Variants in OR4D1 observed in about 807,000 individuals in gnomAD.
The protein encoded by OR4D1 is olfactory receptor family 4 subfamily D member 1, also known as olfactory receptor 4D1.
OR4D1 carries 10 observed loss-of-function variants against 14.2 expected under a neutral mutation model. The observed-to-expected ratio is 0.71, with a 90% CI of 0.44 to 1.20. The LOEUF is 1.20. Among genes scored for constraint, OR4D1 ranks in the 50% most tolerant of loss-of-function variants. The pLI is 0.00. For missense variants in OR4D1, 345 were observed against 376.6 expected (o/e 0.92, Z 0.70); for synonymous variants, 141 against 147.4 (o/e 0.96, Z 0.32).
chr17:58,157,723 G>C lies in OR4D1; in HGVS notation c.*1637G>C. 1 of 1,613,656 alleles carries C rather than the reference G, an allele frequency of 6.2e-7. No individual in the cohort carries two copies. On this transcript the variant is annotated 3_prime_UTR_variant, in exon 4 of 4. Transcript: ENST00000268912. ...CGTCCATATACGCAGCATCCTACCCGTTCCATAGACCTGTGCTTCCCATCC... is the reference window on the plus strand; with the variant it reads ...CGTCCATATACGCAGCATCCTACCCCTTCCATAGACCTGTGCTTCCCATCC...
chr17:58,155,459 C>T lies in OR4D1; in HGVS notation c.306C>T (p.Phe102=). 1.2e-6 allele frequency: 2 copies of T among 1,614,226 alleles called. No individual in the cohort carries two copies. The highest frequency in any genetic ancestry group is 1.7e-6 in the Non-Finnish European group (2 of 1,180,044). The change falls in exon 4 of 4, where the codon TTC becomes TTT. Residue 102 remains phenylalanine, a synonymous_variant. Coordinates refer to ENST00000268912, the MANE Select transcript of OR4D1 (RefSeq NM_001386095.1). The part of the protein sequence containing the change: ...ISYQGCMAQI[F]FFHLLGGGTV... ...ACCAGGGCTGCATGGCCCAGATCTT[C>T]TTCTTCCACCTTTTGGGAGGTGGGA...
chr17:58,153,282 T>C (rs1967724398), intron 2 of OR4D1, among the ~76,000 whole-genome samples: 1 of 152,264 alleles, frequency 6.6e-6, no homozygotes, highest in South Asian at 2.1e-4. Flanking sequence ...AAGCCCATTC[T>C]AACCCTGTTT....
chr17:58,157,857 T>C lies in OR4D1; in HGVS notation c.*1771T>C. ...TGGATGTTTGTTTCAAAGGGTTTCC[T>C]CTCCCTCTCCAAGAAGGCAGGACCA... On this transcript the variant is annotated 3_prime_UTR_variant, in exon 4 of 4. Transcript: ENST00000268912. 6.5e-7 allele frequency: 1 copy of C among 1,528,896 alleles called. No individual in the cohort carries two copies. Among genetic ancestry groups the C allele is most frequent in the Non-Finnish European group, 9.0e-7 (1 of 1,115,738 alleles). The allele number at this position is 1,528,896 out of a possible 1,614,324, so 94.7% of individuals were successfully genotyped here. A position where few individuals can be genotyped will look rare whatever the true frequency, so the allele number is the denominator to read the frequency against.
rs1307165074 is a variant in OR4D1, at chr17:58,159,356, T to G, written c.*3270T>G. The G allele has an allele frequency of 6.6e-6, 1 of 152,202 alleles. No individual in the cohort carries two copies. The highest frequency in any genetic ancestry group is 1.5e-5 in the Non-Finnish European group (1 of 68,036). The allele number at this position is 152,202 out of a possible 1,614,324, so 9.4% of individuals were successfully genotyped here. A position where few individuals can be genotyped will look rare whatever the true frequency, so the allele number is the denominator to read the frequency against. ...GCCATGAGGATTCCTCCCTTATTAA[T>G]GGGATTAAGGCCTTTATAAAAGAGA... On this transcript the variant is annotated 3_prime_UTR_variant, in exon 4 of 4. Coordinates refer to ENST00000268912, the MANE Select transcript of OR4D1 (RefSeq NM_001386095.1).
chr17:58,157,668 C>A lies in OR4D1; in HGVS notation c.*1582C>A. ...ATGCTACCCTCCAGCTTCAGTCTCC[C>A]TTTCCCCATCAGCTCGCCCCTGCAG... is the stretch of plus-strand genomic sequence containing the variant. On this transcript the variant is annotated 3_prime_UTR_variant, in exon 4 of 4. Transcript: ENST00000268912. 1 of 1,613,944 alleles carries A rather than the reference C, an allele frequency of 6.2e-7. No homozygotes were observed. Among genetic ancestry groups the A allele is most frequent in the South Asian group, 1.1e-5 (1 of 91,070 alleles).
rs1346544023 is a variant in OR4D1, at chr17:58,157,075, CGGGGCCT to C, written c.*994_*1000del. The C allele has an allele frequency of 6.9e-7, 1 of 1,445,024 alleles. No individual in the cohort carries two copies. Among genetic ancestry groups the C allele is most frequent in the African/African-American group, 1.4e-5 (1 of 70,796 alleles). 89.5% of individuals were successfully genotyped at this position (1,445,024 alleles called of 1,614,324 possible). On this transcript the variant is annotated 3_prime_UTR_variant, in exon 4 of 4. Transcript: ENST00000268912. ...CCAGCGGTGGCGGTCGGGCCAGGTCCGGGGCCTGGGGACGCCGAGGCGGCCGCGGAGG... is the reference window on the plus strand; with the variant it reads ...CCAGCGGTGGCGGTCGGGCCAGGTCCGGGGACGCCGAGGCGGCCGCGGAGG...
chr17:58,157,268 C>G lies in OR4D1; in HGVS notation c.*1182C>G. On this transcript the variant is annotated 3_prime_UTR_variant, in exon 4 of 4. Transcript: ENST00000268912. ...CGGGGCACGGCGCTCGGGAAGCGCA[C>G]AGCCCCGGGCCGCTGATCAAGCCCT... 1 of 1,476,918 alleles carries G rather than the reference C, an allele frequency of 6.8e-7. No individual in the cohort carries two copies. The highest frequency in any genetic ancestry group is 1.4e-5 in the African/African-American group (1 of 70,528). The allele number at this position is 1,476,918 out of a possible 1,614,324, so 91.5% of individuals were successfully genotyped here. A position where few individuals can be genotyped will look rare whatever the true frequency, so the allele number is the denominator to read the frequency against.
chr17:58,154,056 A>G (rs529516548), intron 3 of OR4D1, among the ~76,000 whole-genome samples, 93 bp downstream of exon 3: 2 of 152,296 alleles, frequency 1.3e-5, no homozygotes, highest in South Asian at 4.1e-4. Flanking sequence ...CCTGGCCTCA[A>G]GTGATCCTCC....
rs1597953490 is a variant in OR4D1 at position 58,158,298 on chromosome 17, A to T, written c.*2212A>T. 1 of 152,210 alleles carries T rather than the reference A, an allele frequency of 6.6e-6. No individual in the cohort carries two copies. Among genetic ancestry groups the T allele is most frequent in the African/African-American group, 2.4e-5 (1 of 41,434 alleles). The allele number at this position is 152,210 out of a possible 1,614,324, so 9.4% of individuals were successfully genotyped here. A position where few individuals can be genotyped will look rare whatever the true frequency, so the allele number is the denominator to read the frequency against. ...ATTGACTTCTGCTTATGGAAAACAA[A>T]TATTAGAATTGGACATAATGCACAT... On this transcript the variant is annotated 3_prime_UTR_variant, in exon 4 of 4. Transcript: ENST00000268912.
chr17:58,155,975 C>A lies in OR4D1; in HGVS notation c.822C>A (p.Ser274Arg). The change falls in exon 4 of 4, where the codon AGC becomes AGA. Residue 274 changes from serine to arginine, a missense_variant. Physicochemically the swap from Ser to Arg is moderately radical, Grantham distance 110. Transcript: ENST00000268912. ...TCATGGACAAGGCTGTGTCCATCAG[C>A]TACACAGTCATGACCCCCATGCTCA... ...PFLMDKAVSI[S>R]YTVMTPMLNP... 3 of 1,613,782 alleles carry A rather than the reference C, an allele frequency of 1.9e-6. No homozygotes were observed. Among genetic ancestry groups the A allele is most frequent in the Non-Finnish European group, 2.5e-6 (3 of 1,179,688 alleles).
chr17:58,149,531 C>CT lies in OR4D1; in HGVS notation c.-391dup, dbSNP rs1221090543. ...AGAAAGGGTCTGTGTGTACCACGTA[C>CT]TGTGTAATACTTAACATATTGGATT... On this transcript the variant is annotated 5_prime_UTR_variant, in exon 2 of 4. It removes the in-frame stop codon of an upstream open reading frame in the 5' UTR. Transcript: ENST00000268912. 1 of 150,024 alleles carries CT rather than the reference C, an allele frequency of 6.7e-6. No homozygotes were observed. The highest frequency in any genetic ancestry group is 1.5e-5 in the Non-Finnish European group (1 of 68,046). 9.3% of individuals were successfully genotyped at this position (150,024 alleles called of 1,614,324 possible). A position where few individuals can be genotyped will look rare whatever the true frequency, so the allele number is the denominator to read the frequency against.
rs992642468 is a variant in OR4D1 at position 58,157,325 on chromosome 17, C to T, written c.*1239C>T. On this transcript the variant is annotated 3_prime_UTR_variant, in exon 4 of 4. Transcript: ENST00000268912. ...CCGCCTCGGTCAAGTGGGAAAACTC[C>T]CTAAGACGGAGCGGCGTGGATGCAG... 6.7e-7 allele frequency: 1 copy of T among 1,493,960 alleles called. No individual in the cohort carries two copies. Among genetic ancestry groups the T allele is most frequent in the African/African-American group, 1.4e-5 (1 of 71,738 alleles). 92.5% of individuals were successfully genotyped at this position (1,493,960 alleles called of 1,614,324 possible). A position where few individuals can be genotyped will look rare whatever the true frequency, so the allele number is the denominator to read the frequency against.
Position 58,155,924 on chromosome 17 carries a change from C to T in OR4D1, c.771C>T (p.Ile257=). The change falls in exon 4 of 4, where the codon ATC becomes ATT. Residue 257 remains isoleucine (I), a synonymous_variant. Transcript: ENST00000268912. ...TGATCTTCATTCCCTGTATCTATAT[C>T]TATACCTGGCCCTTCACCCCATTCC... ...VSMIFIPCIY[I]YTWPFTPFLM... is the part of the protein sequence containing the mutation. 3 of 1,614,160 alleles carry T rather than the reference C, an allele frequency of 1.9e-6. No homozygotes were observed. The highest frequency in any genetic ancestry group is 2.5e-6 in the Non-Finnish European group (3 of 1,180,020).
In OR4D1 at chr17:58,156,817, ATC is replaced by A. The variant is rs1471191735; in HGVS notation, c.*735_*736del. The A allele has an allele frequency of 3.6e-6, 1 of 277,364 alleles. No individual in the cohort carries two copies. The highest frequency in any genetic ancestry group is 6.9e-6 in the Non-Finnish European group (1 of 144,258). The allele number at this position is 277,364 out of a possible 1,614,324, so 17.2% of individuals were successfully genotyped here. On this transcript the variant is annotated 3_prime_UTR_variant, in exon 4 of 4. Coordinates refer to ENST00000268912, the MANE Select transcript of OR4D1 (RefSeq NM_001386095.1). ...GAGAGGTCTTCGTCTATAGAGAAGTATCTCTGATGAATGGTCAACTGCTTCAT... is the reference window on the plus strand; with the variant it reads ...GAGAGGTCTTCGTCTATAGAGAAGTATCTGATGAATGGTCAACTGCTTCAT...
chr17:58,154,794 G>A (rs1285494386), intron 3 of OR4D1, among the ~76,000 whole-genome samples: 2 of 152,194 alleles, frequency 1.3e-5, no homozygotes, highest in Admixed American at 1.3e-4. Flanking sequence ...TTCACTGATT[G>A]ATTCAACTAG....
Position 58,155,193 on chromosome 17 carries a change from C to T in OR4D1, c.40C>T (p.Leu14Phe). The part of the protein sequence containing the change: ...QNTTQVSMFV[L>F]LGFSQTQELQ... ...CACCACACAGGTATCAATGTTTGTC[C>T]TCTTAGGGTTTTCACAGACCCAAGA... The change falls in exon 4 of 4, where the codon CTC (leucine) becomes TTC (phenylalanine). Residue 14 changes from leucine to phenylalanine, a missense_variant. Transcript: ENST00000268912. 6.2e-7 allele frequency: 1 copy of T among 1,614,128 alleles called. No individual in the cohort carries two copies. Among genetic ancestry groups the T allele is most frequent in the Non-Finnish European group, 8.5e-7 (1 of 1,179,998 alleles).
chr17:58,154,981 A>G (rs1967745464), intron 3 of OR4D1, among the ~76,000 whole-genome samples, 154 bp from the exon 4 acceptor site: 1 of 152,244 alleles, frequency 6.6e-6, no homozygotes, highest in South Asian at 2.1e-4. Flanking sequence ...TTGAAAACAT[A>G]TGGAACTTCC....
In OR4D1 at chr17:58,155,098, T is replaced by TTTTG. The variant is rs60140391; in HGVS notation, c.-19-21_-19-18dup. 6.5e-5 allele frequency: 84 copies of TTTTG among 1,299,048 alleles called. 1 individual carries two copies. The highest frequency in any genetic ancestry group is 3.8e-4 in the Middle Eastern group (2 of 5,270). 80.5% of individuals were successfully genotyped at this position (1,299,048 alleles called of 1,614,324 possible). ...AGGAAAATGATTGAATTTTCATTTTTTTTGTTTGTTTGTTTGTTTCAATGG... is the reference window on the plus strand; with the variant it reads ...AGGAAAATGATTGAATTTTCATTTTTTTTGTTTGTTTGTTTGTTTGTTTCAATGG... On this transcript the variant is annotated intron_variant, in intron 3 of 3. Coordinates refer to ENST00000268912, the MANE Select transcript of OR4D1 (RefSeq NM_001386095.1).
Position 58,155,854 on chromosome 17 carries a change from G to A in OR4D1, c.701G>A (p.Arg234Lys), listed in dbSNP as rs1472708578. Residue 234 changes from arginine to lysine, a missense_variant, in exon 4 of 4, where the codon AGG (arginine) becomes AAG (lysine). Arg to Lys is a conservative substitution (Grantham distance 26, BLOSUM62 2). Coordinates refer to ENST00000268912, the MANE Select transcript of OR4D1 (RefSeq NM_001386095.1). ...MLRSHSGKAR[R>K]KAASTCTTHI... ...AGGTCCCACTCGGGAAAGGCAAGGA[G>A]GAAGGCAGCTTCCACCTGCACCACC... is the stretch of plus-strand genomic sequence containing the variant. 3.1e-6 allele frequency: 5 copies of A among 1,614,166 alleles called. No individual in the cohort carries two copies. Among genetic ancestry groups the A allele is most frequent in the Admixed American group, 1.7e-5 (1 of 60,030 alleles).
Sources: gnomAD v4.1 joint callset for allele counts (sites outside exome capture counted in the v4.1 genomes callset) on GRCh38, gnomAD v4.1.1 for gene constraint, MANE v1.5 for transcripts, NCBI Gene and HGNC (gene_info 2026-07-23, HGNC 2026-07-21) for gene names.